The following AFG2A variants were observed in gnomAD, a reference collection of about 807,000 sequenced individuals.
AFG2A encodes the protein AAA ATPase AFG2A.
At chr4:123,150,906 G>C in the AFG2A span, among the ~76,000 whole-genome samples, 10 of 152,226 alleles carry the variant, frequency 6.6e-5, no homozygotes, top group African/African-American at 2.4e-4. Flanking sequence ...GCATGGTACT[G>C]GTACCAAAAC....
the AFG2A span, among the ~76,000 whole-genome samples, chr4:122,986,853 C>T: frequency 2.0e-5 from 3 of 152,136 alleles, no homozygotes; most frequent in South Asian, 2.1e-4. Context: ...CTATAGTGCT[C>T]TTCAAGTCTG....
chr4:123,288,772 G>A, the AFG2A span, among the ~76,000 whole-genome samples: 1 of 152,088 alleles, frequency 6.6e-6, no homozygotes, highest in Admixed American at 6.6e-5. Flanking sequence ...GTTTCTCAAG[G>A]CCGACCTCAT....
At chr4:122,943,290 C>T in the AFG2A span, among the ~76,000 whole-genome samples, 1 of 152,128 alleles carries the variant, frequency 6.6e-6, no homozygotes, top group Non-Finnish European at 1.5e-5. Context: ...GTAGGTCACT[C>T]AGGACTTGCT....
the AFG2A span, among the ~76,000 whole-genome samples, chr4:123,164,657 T>C: frequency 2.0e-5 from 3 of 152,244 alleles, no homozygotes; most frequent in South Asian, 2.1e-4. Context: ...TGAAATGCTT[T>C]AAGTTTTTAG....
the AFG2A span, among the ~76,000 whole-genome samples, chr4:123,067,273 C>G: frequency 3.3e-5 from 5 of 152,034 alleles, no homozygotes; most frequent in African/African-American, 1.2e-4. Flanking sequence ...AATCCCAGCA[C>G]TTTGGGAGGC....
At chr4:122,991,498 C>T in the AFG2A span, among the ~76,000 whole-genome samples, 1 of 152,168 alleles carries the variant, frequency 6.6e-6, no homozygotes. Flanking sequence ...GAAGTTTGTC[C>T]ACACCCAGTT....
At chr4:123,132,642 A>G in the AFG2A span, among the ~76,000 whole-genome samples, 1 of 150,332 alleles carries the variant, frequency 6.7e-6, no homozygotes, top group Non-Finnish European at 1.5e-5. Context: ...ATGTGTACAC[A>G]CACATCACAT....
the AFG2A span, among the ~76,000 whole-genome samples, chr4:122,998,460 A>G: frequency 3.4e-5 from 5 of 149,016 alleles, no homozygotes; most frequent in Non-Finnish European, 7.4e-5. Context: ...ATCCCTCCCC[A>G]CTCCCCCCAC....
chr4:122,932,429 G>A, the AFG2A span, among the ~76,000 whole-genome samples: 443 of 152,150 alleles, frequency 2.9e-3, 1 homozygote, highest in Middle Eastern at 0.01. Flanking sequence ...CTGAGCTCAA[G>A]CGGTCCACCC....
the AFG2A span, among the ~76,000 whole-genome samples, chr4:123,035,049 G>A: frequency 6.6e-6 from 1 of 152,142 alleles, no homozygotes; most frequent in Non-Finnish European, 1.5e-5. Flanking sequence ...AGAGGAACTT[G>A]GCTGGGGAAC....
At chr4:123,263,644 T>C in the AFG2A span, among the ~76,000 whole-genome samples, 2 of 151,874 alleles carry the variant, frequency 1.3e-5, no homozygotes, top group Admixed American at 1.3e-4. Flanking sequence ...AAAATGCAAA[T>C]CAAAACCACA....
chr4:123,213,928 ATAATCT>A, the AFG2A span, among the ~76,000 whole-genome samples: 1 of 152,220 alleles, frequency 6.6e-6, no homozygotes, highest in Non-Finnish European at 1.5e-5. Flanking sequence ...TCTCTTAAAA[ATAATCT>A]TAATAACAAA....
the AFG2A span, among the ~76,000 whole-genome samples, chr4:123,098,474 T>C: frequency 6.6e-6 from 1 of 152,008 alleles, no homozygotes; most frequent in African/African-American, 2.4e-5. Context: ...AACTTATTTC[T>C]CCTGTTTAAC....
the AFG2A span, among the ~76,000 whole-genome samples, chr4:123,004,386 C>T: frequency 1.2e-4 from 19 of 152,318 alleles, no homozygotes; most frequent in Admixed American, 9.8e-4. Flanking sequence ...TGCAGAAATC[C>T]CTCATCTTCT....
chr4:123,299,121 G>A, the AFG2A span, among the ~76,000 whole-genome samples: 1 of 139,264 alleles, frequency 7.2e-6, no homozygotes, highest in Non-Finnish European at 1.5e-5. Context: ...CTGCCAATGT[G>A]TGTGTGTGTG....
At chr4:122,993,290 G>A in the AFG2A span, among the ~76,000 whole-genome samples, 1 of 152,034 alleles carries the variant, frequency 6.6e-6, no homozygotes, top group Non-Finnish European at 1.5e-5. Flanking sequence ...ACAGCACCTA[G>A]CCGTCTTTGT....
chr4:122,985,419 G>A, the AFG2A span, among the ~76,000 whole-genome samples: 8 of 152,214 alleles, frequency 5.3e-5, no homozygotes, highest in African/African-American at 9.6e-5. Context: ...GTGAGCCACC[G>A]TGCCTGGCTG....
chr4:123,227,421 C>T, the AFG2A span, among the ~76,000 whole-genome samples: 1,130 of 152,170 alleles, frequency 7.4e-3, 5 homozygotes, highest in Middle Eastern at 0.044. Context: ...TCTTTGTTCT[C>T]GTTGGTTTCA....
chr4:122,990,385 T>C, the AFG2A span, among the ~76,000 whole-genome samples: 1 of 152,216 alleles, frequency 6.6e-6, no homozygotes, highest in South Asian at 2.1e-4. Flanking sequence ...TTTGAAAACT[T>C]AGAGCCTTGT....
Sources: allele counts gnomAD v4.1 joint callset (sites outside exome capture counted in the v4.1 genomes callset), GRCh38; gene constraint gnomAD v4.1.1; transcripts MANE v1.5; gene names NCBI Gene and HGNC (gene_info 2026-07-23, HGNC 2026-07-21).